The following SREBF2 variants were observed in gnomAD, a reference collection of about 807,000 sequenced individuals.
SREBF2 encodes the protein sterol regulatory element binding transcription factor 2.
Under a neutral mutation model 113.1 loss-of-function variants are expected in SREBF2, and 55 were observed. The observed-to-expected ratio is 0.49, with a 90% CI of 0.39 to 0.61. The LOEUF is 0.61. Ranked by LOEUF, SREBF2 falls within the 20% of genes least tolerant of loss-of-function variation. SREBF2 has a pLI of 0.00. For synonymous variants in SREBF2, 593 were observed against 605.7 expected, an observed-to-expected ratio of 0.98 and a Z score of 0.31; for missense variants, 1,349 against 1,487.4, an observed-to-expected ratio of 0.91 and a Z score of 1.53.
intron 11 of SREBF2, among the ~76,000 whole-genome samples, chr22:41,892,256 C>T (rs17002741): frequency 0.018 from 2,722 of 152,204 alleles, 93 homozygotes; most frequent in African/African-American, 0.061. Flanking sequence ...GGCCATGTGC[C>T]GAGCACTGTT....
In SREBF2 at chr22:41,870,988, C is replaced by T. The variant is rs200064833; in HGVS notation, c.820C>T (p.Leu274Phe). 1 of 1,613,990 alleles carries T rather than the reference C, an allele frequency of 6.2e-7. No homozygotes were observed. Among genetic ancestry groups the T allele is most frequent in the Admixed American group, 1.7e-5 (1 of 60,008 alleles). Residue 274 changes from leucine (L) to phenylalanine (F), a missense_variant, in exon 4 of 19, where the codon CTC (leucine) becomes TTC (phenylalanine). This residue lies in a region of SREBF2 where 699 missense variants were observed against 843.3 expected (regional missense o/e 0.83). Transcript: ENST00000361204. ...PVMAAVQNPA[L>F]TALTTPIQTA... ...TATGGCTGCGGTCCAGAACCCGGCC[C>T]TCACCGCCCTCACCACCCCTATCCA...
intron 13 of SREBF2, among the ~76,000 whole-genome samples, chr22:41,896,362 T>G: frequency 6.6e-6 from 1 of 152,206 alleles, no homozygotes; most frequent in South Asian, 2.1e-4. Context: ...TTTGTTTGTT[T>G]TTTGGGGGGT....
intron 4 of SREBF2, among the ~76,000 whole-genome samples, chr22:41,871,436 T>C (rs1208651098): frequency 8.5e-5 from 13 of 152,166 alleles, no homozygotes; most frequent in Admixed American, 8.5e-4. Context: ...ACTTTCAGCA[T>C]CCTATAGCAT....
chr22:41,868,608 A>G lies in SREBF2; in HGVS notation c.539-3A>G, dbSNP rs2148379345. 1 of 1,614,154 alleles carries G rather than the reference A, an allele frequency of 6.2e-7. No homozygotes were observed. Among genetic ancestry groups the G allele is most frequent in the East Asian group, 2.2e-5 (1 of 44,886 alleles). ...TGTGCCTTCTTTCTCCTCTTCTCCC[A>G]AGTCCTTCAGCCTCAAGTCCAAAGC... is the stretch of plus-strand genomic sequence containing the variant. On this transcript the variant is annotated splice_polypyrimidine_tract_variant and splice_region_variant and intron_variant, in intron 2 of 18. Transcript: ENST00000361204.
rs1317663013 is a variant in SREBF2, at chr22:41,897,023, G to A, written c.2496-29G>A. 2.0e-6 allele frequency: 3 copies of A among 1,531,412 alleles called. No homozygotes were observed. The East Asian group carries it at 6.8e-5, about 35-fold the overall frequency. 94.9% of individuals were successfully genotyped at this position (1,531,412 alleles called of 1,614,324 possible). A position where few individuals can be genotyped will look rare whatever the true frequency, so the allele number is the denominator to read the frequency against. On this transcript the variant is annotated intron_variant, in intron 13 of 18. Transcript: ENST00000361204. ...GTGGGCCTTGTGTATATGTTTTGATGTACATGGGACCCTTTCTTTTCTTCC... is the reference window on the plus strand; with the variant it reads ...GTGGGCCTTGTGTATATGTTTTGATATACATGGGACCCTTTCTTTTCTTCC...
Position 41,905,542 on chromosome 22 carries a change from C to T in SREBF2, c.3308C>T (p.Ala1103Val), listed in dbSNP as rs201711906. ...LSFLSSPGQR[A>V]VLLAEAARTL... ...TTCCTCTCCTCCCCGGGCCAGCGGG[C>T]AGTGCTGCTGGCCGAAGCTGCCCGC... The change falls in exon 19 of 19, where the codon GCA (alanine) becomes GTA (valine). Residue 1103 changes from alanine (A) to valine (V), a missense_variant. Coordinates refer to ENST00000361204, the MANE Select transcript of SREBF2 (RefSeq NM_004599.4). 5.2e-5 allele frequency: 83 copies of T among 1,590,046 alleles called. No individual in the cohort carries two copies. In the African/African-American group the frequency reaches 8.9e-4, roughly 17 times the overall value.
At chr22:41,892,642 C>T (rs1458264419) in intron 11 of SREBF2, among the ~76,000 whole-genome samples, 9 of 116,112 alleles carry the variant, frequency 7.8e-5, no homozygotes, top group East Asian at 4.5e-4. Flanking sequence ...AGCGAAACTC[C>T]GTCTCAAAAA....
intron 1 of SREBF2, among the ~76,000 whole-genome samples, chr22:41,863,022 T>C (rs1260585680): frequency 6.6e-6 from 1 of 152,048 alleles, no homozygotes; most frequent in Non-Finnish European, 1.5e-5. Context: ...CACAAAAGGG[T>C]TTCAAGAGTA....
At chr22:41,888,936 G>A (rs1167440532) in intron 11 of SREBF2, among the ~76,000 whole-genome samples, 1 of 152,194 alleles carries the variant, frequency 6.6e-6, no homozygotes, top group African/African-American at 2.4e-5. Context: ...TTTGAATTTG[G>A]TGAGATATAT....
chr22:41,899,481 T>C (rs974430658), intron 15 of SREBF2: 1 of 994,866 alleles, frequency 1.0e-6, no homozygotes, highest in African/African-American at 1.7e-5. Flanking sequence ...CGAGGTCCTA[T>C]CCTTAGAGCC....
chr22:41,834,623 A>T (rs1324731578), intron 1 of SREBF2: 1 of 152,660 alleles, frequency 6.6e-6, no homozygotes, highest in East Asian at 1.9e-4. Flanking sequence ...TGCAGCAGCT[A>T]ATTGAAAAGG....
chr22:41,864,261 T>TACACACACACACAC (rs1158750306), intron 1 of SREBF2, among the ~76,000 whole-genome samples: 2 of 51,012 alleles, frequency 3.9e-5, no homozygotes, highest in African/African-American at 1.5e-4. Flanking sequence ...TATATATATA[T>TACACACACACACAC]ACACACACAC....
rs1421672728 is a variant in SREBF2, at chr22:41,868,735, G to A, written c.663G>A (p.Gln221=). The change falls in exon 3 of 19, where the codon CAG becomes CAA. Residue 221 remains glutamine, a synonymous_variant. Coordinates refer to ENST00000361204, the MANE Select transcript of SREBF2 (RefSeq NM_004599.4). The stretch of plus-strand genomic sequence containing the variant: ...CACAAACGGCCAATGGCACGCTGCA[G>A]ACCCTTGCCCCGGCTACGGTGCAGA... ...VLTQTANGTL[Q]TLAPATVQTV... 2 of 1,614,170 alleles carry A rather than the reference G, an allele frequency of 1.2e-6. No individual in the cohort carries two copies. The highest frequency in any genetic ancestry group is 1.7e-6 in the Non-Finnish European group (2 of 1,180,024).
In SREBF2 at chr22:41,833,625, A is replaced by AG. The variant is rs2076738426; in HGVS notation, c.88+270dup. 1.3e-5 allele frequency: 5 copies of AG among 378,188 alleles called. No individual in the cohort carries two copies. The South Asian group carries it at 2.9e-4, about 22-fold the overall frequency. The allele number at this position is 378,188 out of a possible 1,614,324, so 23.4% of individuals were successfully genotyped here. A position where few individuals can be genotyped will look rare whatever the true frequency, so the allele number is the denominator to read the frequency against. On this transcript the variant is annotated intron_variant, in intron 1 of 18. Transcript: ENST00000361204. The surrounding 1 kb of genome is among the most constrained non-coding windows in gnomAD (Gnocchi z 4.1). ...GTCGCGGGTTCCAGAGCGCGGGGCTAGGGACGTCGCGGGGGCGTCTCAGGG... is the reference window on the plus strand; with the variant it reads ...GTCGCGGGTTCCAGAGCGCGGGGCTAGGGGACGTCGCGGGGGCGTCTCAGGG...
intron 9 of SREBF2, 68 bp from the exon 10 acceptor site, chr22:41,880,648 G>A: frequency 6.3e-7 from 1 of 1,595,966 alleles, no homozygotes; most frequent in Non-Finnish European, 8.6e-7. Context: ...AGGGGGAGTA[G>A]AAGTCTATAT....
chr22:41,850,549 C>A (rs1256803525), intron 1 of SREBF2, among the ~76,000 whole-genome samples: 2 of 151,996 alleles, frequency 1.3e-5, no homozygotes, highest in Non-Finnish European at 2.9e-5. Context: ...CAGCTTTTCC[C>A]CAAGTTGTGA....
intron 16 of SREBF2, chr22:41,901,056 A>G (rs192044199): frequency 4.1e-6 from 2 of 487,196 alleles, no homozygotes; most frequent in African/African-American, 2.0e-5. Flanking sequence ...TGAAGGCCCT[A>G]TCAGGTGGGG....
At chr22:41,868,951 G>T (rs780961761) in intron 3 of SREBF2, among the ~76,000 whole-genome samples, 159 bp downstream of exon 3, 14 of 152,236 alleles carry the variant, frequency 9.2e-5, no homozygotes, top group Admixed American at 3.3e-4. Flanking sequence ...TAGTGACCTG[G>T]CTGAGTCCAT....
intron 11 of SREBF2, among the ~76,000 whole-genome samples, chr22:41,888,385 T>TA (rs2077319843): frequency 6.6e-6 from 1 of 152,228 alleles, no homozygotes; most frequent in South Asian, 2.1e-4. Context: ...CCTGTTATTT[T>TA]AAAAACTATC....
Sources: gnomAD v4.1 joint callset for allele counts (sites outside exome capture counted in the v4.1 genomes callset) on GRCh38, gnomAD v4.1.1 for gene constraint, gnomAD v4.1.1 regional missense constraint, Gnocchi (gnomAD v3.1) non-coding constraint, MANE v1.5 for transcripts, NCBI Gene and HGNC (gene_info 2026-07-23, HGNC 2026-07-21) for gene names.